The following CCDC144A variants were observed in gnomAD, a reference collection of about 807,000 sequenced individuals.
The protein encoded by CCDC144A is coiled-coil domain-containing protein 144A.
In CCDC144A, 41 loss-of-function variants were observed where a neutral mutation model predicts 143.8. The ratio of observed to expected loss-of-function variants is 0.29; its 90% CI spans 0.22 to 0.37. The LOEUF is 0.37. Ranked by LOEUF, CCDC144A falls within the 10% of genes least tolerant of loss-of-function variation. CCDC144A has a pLI of 1.00. For missense variants in CCDC144A, 637 were observed against 1,488.8 expected, an observed-to-expected ratio of 0.43 and a Z score of 9.41; for synonymous variants, 242 against 517.9, an observed-to-expected ratio of 0.47 and a Z score of 7.23.
At chr17:16,703,990 G>A (rs1454377840) in intron 2 of CCDC144A, among the ~76,000 whole-genome samples, 1 of 152,142 alleles carries the variant, frequency 6.6e-6, no homozygotes, top group African/African-American at 2.4e-5. Context: ...ATTATTTGAC[G>A]TCTTGGCCCC....
chr17:16,756,992 G>A (rs1272574953), intron 12 of CCDC144A, among the ~76,000 whole-genome samples: 7 of 152,292 alleles, frequency 4.6e-5, no homozygotes, highest in African/African-American at 1.7e-4. Flanking sequence ...CAGCAGGCCA[G>A]TCCTCAGGCA....
At chr17:16,698,628 T>A (rs933946694) in intron 2 of CCDC144A, among the ~76,000 whole-genome samples, 2 of 152,162 alleles carry the variant, frequency 1.3e-5, no homozygotes, top group Admixed American at 6.5e-5. Flanking sequence ...TGCTTTTTTG[T>A]GGAAATGCTT....
intron 6 of CCDC144A, 144 bp downstream of exon 6, chr17:16,711,959 C>T: frequency 2.2e-6 from 2 of 897,468 alleles, no homozygotes; most frequent in South Asian, 3.4e-5. Flanking sequence ...GGATAAACCC[C>T]ATCTCTACTA....
chr17:16,769,434 G>A (rs529676106), intron 15 of CCDC144A, among the ~76,000 whole-genome samples: 16 of 152,268 alleles, frequency 1.1e-4, no homozygotes, highest in African/African-American at 3.6e-4. Flanking sequence ...ATGATGAGAA[G>A]TTGGACAGGC....
intron 2 of CCDC144A, among the ~76,000 whole-genome samples, chr17:16,701,065 T>G (rs1597534997): frequency 6.6e-6 from 1 of 152,332 alleles, no homozygotes; most frequent in Middle Eastern, 3.4e-3. Flanking sequence ...ATGCTTCAAT[T>G]TGGGAGATAG....
At chr17:16,684,045 C>A in the CCDC144A span, 1 of 906,814 alleles carries the variant, frequency 1.1e-6, no homozygotes, top group Non-Finnish European at 1.9e-6. Flanking sequence ...ATTGAACAAG[C>A]ACAGACTCAG....
chr17:16,730,048 AGGCT>A (rs1951589076), intron 9 of CCDC144A, among the ~76,000 whole-genome samples: 1 of 132,406 alleles, frequency 7.6e-6, no homozygotes, highest in Admixed American at 7.8e-5. Context: ...TATGTTGCCC[AGGCT>A]GGTCTCAAAC....
the CCDC144A span, among the ~76,000 whole-genome samples, chr17:16,681,815 C>T: frequency 4.0e-5 from 6 of 151,392 alleles, no homozygotes; most frequent in African/African-American, 9.7e-5. Context: ...TCCCAGATTG[C>T]GCCACTACAC....
the CCDC144A span, among the ~76,000 whole-genome samples, chr17:16,668,727 T>C: frequency 2.0e-5 from 3 of 152,224 alleles, no homozygotes; most frequent in Admixed American, 1.3e-4. Context: ...CAGGCTGTTA[T>C]AACAAAATAC....
rs575621964 is a variant in CCDC144A, at chr17:16,696,876, G to A, written c.415+3827G>A. Among the ~76,000 whole-genome samples the A allele has an allele frequency of 2.3e-3, 356 of 151,706 alleles. 2 individuals are homozygous for A. Among genetic ancestry groups the A allele is most frequent in the Non-Finnish European group, 4.3e-3 (289 of 67,948 alleles). ...CAGCTCCAAACATCATGGTCTCACC[G>A]ACAATATCTGAAGGCTGAAAGGGTG... On this transcript the variant is annotated intron_variant, in intron 2 of 16. Coordinates refer to ENST00000399273, the MANE Select transcript of CCDC144A (RefSeq NM_001382000.1).
chr17:16,697,476 A>C (rs1380308482), intron 2 of CCDC144A, among the ~76,000 whole-genome samples: 1 of 152,136 alleles, frequency 6.6e-6, no homozygotes, highest in Non-Finnish European at 1.5e-5. Context: ...CCACATAAAG[A>C]GACAGGGAAA....
chr17:16,670,190 A>G, the CCDC144A span, among the ~76,000 whole-genome samples: 6 of 151,980 alleles, frequency 3.9e-5, no homozygotes, highest in African/African-American at 1.4e-4. Context: ...CAAAAATAAA[A>G]AGTAAAGAGA....
intron 12 of CCDC144A, among the ~76,000 whole-genome samples, chr17:16,756,238 T>C (rs1279911686): frequency 1.3e-5 from 2 of 152,250 alleles, no homozygotes; most frequent in Non-Finnish European, 2.9e-5. Context: ...ACTCCCAATA[T>C]CTGAAAAAAT....
intron 12 of CCDC144A, among the ~76,000 whole-genome samples, chr17:16,750,871 G>T (rs1386248915): frequency 6.6e-6 from 1 of 152,152 alleles, no homozygotes; most frequent in Non-Finnish European, 1.5e-5. Context: ...TGCAGCTCCA[G>T]AAGTTCAGTT....
At chr17:16,680,675 G>A in the CCDC144A span, among the ~76,000 whole-genome samples, 8 of 150,256 alleles carry the variant, frequency 5.3e-5, no homozygotes, top group Non-Finnish European at 7.4e-5. Flanking sequence ...GACAGAGAGA[G>A]AGAGAAAGAA....
At chr17:16,679,276 T>C in the CCDC144A span, among the ~76,000 whole-genome samples, 2 of 152,040 alleles carry the variant, frequency 1.3e-5, no homozygotes, top group African/African-American at 4.8e-5. Context: ...GATATAGATA[T>C]GGATAGGTAG....
chr17:16,746,233 T>C, intron 12 of CCDC144A: 1 of 1,363,752 alleles, frequency 7.3e-7, no homozygotes, highest in South Asian at 1.4e-5. Context: ...CTTACTTCTT[T>C]CTCTGCAATT....
intron 12 of CCDC144A, among the ~76,000 whole-genome samples, chr17:16,743,373 C>T (rs1408516039): frequency 6.6e-6 from 1 of 152,002 alleles, no homozygotes; most frequent in Non-Finnish European, 1.5e-5. Context: ...GTTTTTGATA[C>T]TTTTGTTGAA....
At chr17:16,771,379 C>A (rs1342693719) in intron 15 of CCDC144A, among the ~76,000 whole-genome samples, 1 of 152,218 alleles carries the variant, frequency 6.6e-6, no homozygotes, top group Non-Finnish European at 1.5e-5. Flanking sequence ...TTTCTGAAAT[C>A]TTTGTGTCCG....
Sources: allele counts gnomAD v4.1 joint callset (sites outside exome capture counted in the v4.1 genomes callset), GRCh38; gene constraint gnomAD v4.1.1; transcripts MANE v1.5; gene names NCBI Gene and HGNC (gene_info 2026-07-23, HGNC 2026-07-21).